ASIC2: variants seen among roughly 807,000 people sequenced by gnomAD.
ASIC2 encodes acid-sensing ion channel 2.
A neutral mutation model predicts 57.3 loss-of-function variants in ASIC2; 25 were observed. The observed-to-expected ratio is 0.44, with a 90% CI of 0.32 to 0.61. ASIC2 has a LOEUF of 0.61. ASIC2 is among the 20% of genes least tolerant of loss of function. ASIC2 has a pLI of 0.06. For missense variants in ASIC2, 641 were observed against 738.1 expected, an observed-to-expected ratio of 0.87 and a Z score of 1.52; for synonymous variants, 319 against 307.5, an observed-to-expected ratio of 1.04 and a Z score of -0.39.
At chr17:33,199,654 T>C (rs1325469445) in intron 1 of ASIC2, among the ~76,000 whole-genome samples, 1 of 152,222 alleles carries the variant, frequency 6.6e-6, no homozygotes, top group African/African-American at 2.4e-5. Flanking sequence ...GGCCCTGCTC[T>C]GGGTAAACAC....
At chr17:34,011,015 TGCCAAAGTC>T (rs1567786800) in intron 1 of ASIC2, among the ~76,000 whole-genome samples, 2 of 1,778 alleles carry the variant, frequency 1.1e-3, no homozygotes, top group African/African-American at 1.7e-3. Context: ...CACACACAGA[TGCCAAAGTC>T]AGACACATGC....
At chr17:34,039,071 T>C in intron 1 of ASIC2, 3 of 1,614,164 alleles carry the variant, frequency 1.9e-6, no homozygotes, top group East Asian at 2.2e-5. Flanking sequence ...TTGCTCATTG[T>C]CACACATCTA....
At chr17:33,104,340 C>T (rs921376733) in intron 2 of ASIC2, among the ~76,000 whole-genome samples, 2 of 152,214 alleles carry the variant, frequency 1.3e-5, no homozygotes, top group Non-Finnish European at 2.9e-5. Context: ...GCAGAAAGGT[C>T]ATGAGCTTCT....
At chr17:34,081,709 A>T (rs1373018264) in intron 1 of ASIC2, among the ~76,000 whole-genome samples, 1 of 151,990 alleles carries the variant, frequency 6.6e-6, no homozygotes, top group East Asian at 1.9e-4. Context: ...CCTAAATTTT[A>T]CCCTCTCTTC....
chr17:33,813,716 G>A (rs552694979), intron 1 of ASIC2, among the ~76,000 whole-genome samples: 2 of 152,228 alleles, frequency 1.3e-5, no homozygotes, highest in African/African-American at 4.8e-5. Context: ...GATTACAGGC[G>A]TGAGCCACTG....
intron 1 of ASIC2, among the ~76,000 whole-genome samples, chr17:33,772,790 T>A (rs529944601): frequency 6.6e-6 from 1 of 152,330 alleles, no homozygotes; most frequent in East Asian, 1.9e-4. Flanking sequence ...TTGGGCTTCC[T>A]ATCAGTGAGG....
At chr17:34,027,728 A>G (rs746579049) in intron 1 of ASIC2, among the ~76,000 whole-genome samples, 16 of 152,188 alleles carry the variant, frequency 1.1e-4, no homozygotes, top group Non-Finnish European at 1.8e-4. Context: ...CACACCCTCC[A>G]TTGTCACTGA....
chr17:34,105,358 G>A (rs1479639550), intron 1 of ASIC2, among the ~76,000 whole-genome samples: 1 of 150,534 alleles, frequency 6.6e-6, no homozygotes, highest in Non-Finnish European at 1.5e-5. Flanking sequence ...TTTGTTTTTT[G>A]GTCTAGCTAG....
At position 33,671,315 on chromosome 17, in the gene ASIC2, G is replaced by C. The variant is rs186287752; in HGVS notation, c.555+484663C>G. Among the ~76,000 whole-genome samples, 647 of 151,798 alleles carry C rather than the reference G, an allele frequency of 4.3e-3. 2 individuals are homozygous for C. The highest frequency in any genetic ancestry group is 7.1e-3 in the Admixed American group (109 of 15,286). Reference sequence around the variant, plus strand: ...CCCAGCATAGCATTTAAAATCCTCTGGGTAATAATCAGAAAAAAACTCCTT... The same window carrying C: ...CCCAGCATAGCATTTAAAATCCTCTCGGTAATAATCAGAAAAAAACTCCTT... On this transcript the variant is annotated intron_variant, in intron 1 of 9. Coordinates refer to the ASIC2 transcript ENST00000359872.
intron 1 of ASIC2, among the ~76,000 whole-genome samples, chr17:33,528,043 C>G (rs1332448819): frequency 1.3e-5 from 2 of 152,230 alleles, no homozygotes; most frequent in East Asian, 3.9e-4. Context: ...AAGTCATGCT[C>G]AAACAATTAA....
At chr17:33,367,595 A>G (rs1908863746) in intron 1 of ASIC2, among the ~76,000 whole-genome samples, 1 of 152,192 alleles carries the variant, frequency 6.6e-6, no homozygotes, top group African/African-American at 2.4e-5. Flanking sequence ...GCCTGCTGTC[A>G]GGGGTACTCA....
intron 1 of ASIC2, among the ~76,000 whole-genome samples, chr17:33,227,836 G>C (rs1907945514): frequency 6.6e-6 from 1 of 152,356 alleles, no homozygotes; most frequent in African/African-American, 2.4e-5. Context: ...CAGGATTTGA[G>C]CTCAGACCAT....
At position 34,033,060 on chromosome 17, in the gene ASIC2, C is replaced by T. The variant is rs1468430693; in HGVS notation, c.555+122918G>A. Among the ~76,000 whole-genome samples the T allele has an allele frequency of 2.0e-5, 3 of 152,192 alleles. No individual in the cohort carries two copies. In the East Asian group the frequency reaches 5.8e-4, roughly 29 times the overall value. ...CTCCACCCCAAATCAACAGAATATA[C>T]ATTCTTTTCAGTACCACACCACACC... is the stretch of plus-strand genomic sequence containing the variant. On this transcript the variant is annotated intron_variant, in intron 1 of 9. Coordinates refer to the ASIC2 transcript ENST00000359872.
At chr17:33,394,450 A>AT (rs56361348) in intron 1 of ASIC2, among the ~76,000 whole-genome samples, 15,999 of 152,134 alleles carry the variant, frequency 0.11, 958 homozygotes, top group Non-Finnish European at 0.13. Flanking sequence ...CCACATATGG[A>AT]TTTTTTTTGA....
At chr17:34,151,184 A>G (rs1298547024) in intron 1 of ASIC2, among the ~76,000 whole-genome samples, 1 of 152,024 alleles carries the variant, frequency 6.6e-6, no homozygotes, top group East Asian at 1.9e-4. Flanking sequence ...TTCCAGGAAC[A>G]GCAAGTAACT....
intron 1 of ASIC2, among the ~76,000 whole-genome samples, chr17:33,889,350 T>C (rs1279113458): frequency 6.6e-6 from 1 of 152,194 alleles, no homozygotes; most frequent in Admixed American, 6.5e-5. Context: ...AAGTGAATTC[T>C]CTCCATAATT....
chr17:33,945,308 C>A (rs1904336969), intron 1 of ASIC2, among the ~76,000 whole-genome samples: 1 of 143,022 alleles, frequency 7.0e-6, no homozygotes, highest in South Asian at 2.3e-4. Context: ...TAAGGGCTTG[C>A]CCATTTTTTT....
chr17:33,120,825 C>T (rs2092299564), intron 1 of ASIC2, among the ~76,000 whole-genome samples: 1 of 152,162 alleles, frequency 6.6e-6, no homozygotes, highest in Non-Finnish European at 1.5e-5. Flanking sequence ...TCTGTGTTCC[C>T]AGGGCCTGGC....
intron 1 of ASIC2, among the ~76,000 whole-genome samples, chr17:33,299,999 T>A (rs1019729398): frequency 6.6e-6 from 1 of 152,216 alleles, no homozygotes; most frequent in Non-Finnish European, 1.5e-5. Context: ...TTCTAACTCA[T>A]TCTCTGCTCA....
Sources: gnomAD v4.1 joint callset for allele counts (sites outside exome capture counted in the v4.1 genomes callset) on GRCh38, gnomAD v4.1.1 for gene constraint, MANE v1.5 for transcripts, NCBI Gene and HGNC (gene_info 2026-07-23, HGNC 2026-07-21) for gene names.